The following TMC1 variants were observed in gnomAD, a reference collection of about 807,000 sequenced individuals.
The protein encoded by TMC1 is transmembrane channel like 1.
TMC1 carries 84 observed loss-of-function variants against 105.8 expected under a neutral mutation model. The ratio of observed to expected loss-of-function variants is 0.79; its 90% CI spans 0.67 to 0.95. The LOEUF is 0.95. Among genes scored for constraint, TMC1 ranks in the 40% least tolerant of loss-of-function variants. The pLI is 0.00. For synonymous variants in TMC1, 315 were observed against 311.5 expected, an observed-to-expected ratio of 1.01 and a Z score of -0.12; for missense variants, 817 against 914.1, an observed-to-expected ratio of 0.89 and a Z score of 1.37.
intron 13 of TMC1, among the ~76,000 whole-genome samples, chr9:72,784,275 C>T (rs1428090397): frequency 6.6e-6 from 1 of 152,120 alleles, no homozygotes; most frequent in Non-Finnish European, 1.5e-5. Flanking sequence ...AAGACATGAA[C>T]AGACACTTCT....
At chr9:72,537,724 C>T (rs1823607122) in intron 1 of TMC1, among the ~76,000 whole-genome samples, 1 of 152,180 alleles carries the variant, frequency 6.6e-6, no homozygotes, top group African/African-American at 2.4e-5. Flanking sequence ...GCAAGGTATA[C>T]ATTGGTTTGG....
chr9:72,590,104 G>T (rs953883834), intron 2 of TMC1, among the ~76,000 whole-genome samples: 1 of 152,166 alleles, frequency 6.6e-6, no homozygotes, highest in African/African-American at 2.4e-5. Context: ...TTCACTGACA[G>T]CTGCCTTTTC....
rs190085997 is a variant in TMC1 at position 72,760,665 on chromosome 9, G to T, written c.741+5781G>T. 3.0e-3 allele frequency among the ~76,000 whole-genome samples: 453 copies of T among 152,134 alleles called. 2 individuals carry two copies. The highest frequency in any genetic ancestry group is 3.1e-3 in the Non-Finnish European group (213 of 68,020). ...CTGACCTTGGACAGACTATATAGAGGTAAGTTATTCCACATAGAGGCAGGT... is the reference window on the plus strand; with the variant it reads ...CTGACCTTGGACAGACTATATAGAGTTAAGTTATTCCACATAGAGGCAGGT... On this transcript the variant is annotated intron_variant, in intron 12 of 23. Transcript: ENST00000297784.
intron 5 of TMC1, among the ~76,000 whole-genome samples, chr9:72,678,771 T>C (rs1826244315): frequency 6.6e-6 from 1 of 152,088 alleles, no homozygotes; most frequent in Non-Finnish European, 1.5e-5. Flanking sequence ...ACTTTTCACT[T>C]TGATGTTCTT....
At chr9:72,808,275 A>T (rs1018893312) in intron 18 of TMC1, among the ~76,000 whole-genome samples, 1 of 152,184 alleles carries the variant, frequency 6.6e-6, no homozygotes, top group Non-Finnish European at 1.5e-5. Context: ...ATGCTCAAAC[A>T]CAAGATGGTC....
chr9:72,783,221 T>C (rs1243490283), intron 13 of TMC1, among the ~76,000 whole-genome samples: 2 of 152,072 alleles, frequency 1.3e-5, no homozygotes, highest in Non-Finnish European at 2.9e-5. Flanking sequence ...AAGTTTCGTG[T>C]TAGGCCGTCT....
chr9:72,743,720 AAGG>A (rs1827439117), intron 10 of TMC1, among the ~76,000 whole-genome samples: 2 of 111,760 alleles, frequency 1.8e-5, no homozygotes, highest in South Asian at 2.3e-4. Context: ...CATAGGAAGG[AAGG>A]AAGGAAGGAA....
At chr9:72,641,670 CCCT>C (rs10571833) in intron 4 of TMC1, among the ~76,000 whole-genome samples, 75,044 of 151,618 alleles carry the variant, frequency 0.49, 18,838 homozygotes, top group African/African-American at 0.59. Context: ...GTGCATTCAT[CCCT>C]CCTTCTTGGA....
At chr9:72,681,035 A>G (rs1473730238) in intron 5 of TMC1, among the ~76,000 whole-genome samples, 1 of 152,170 alleles carries the variant, frequency 6.6e-6, no homozygotes, top group Non-Finnish European at 1.5e-5. Context: ...TTTGTCCTAA[A>G]TAACCCAAGG....
At chr9:72,593,259 C>T (rs912443754) in intron 2 of TMC1, among the ~76,000 whole-genome samples, 5 of 152,130 alleles carry the variant, frequency 3.3e-5, no homozygotes, top group Non-Finnish European at 7.4e-5. Flanking sequence ...AAAAATCTGG[C>T]GGAGTGTGGT....
intron 2 of TMC1, among the ~76,000 whole-genome samples, chr9:72,606,998 T>TAGAGAGAGAGAGAG (rs566531350): frequency 1.1e-4 from 13 of 117,194 alleles, no homozygotes; most frequent in Admixed American, 2.5e-4. Flanking sequence ...TATATATATA[T>TAGAGAGAGAGAGAG]ATATAGAGAG....
At chr9:72,623,869 G>A (rs905503595) in intron 3 of TMC1, among the ~76,000 whole-genome samples, 1 of 152,128 alleles carries the variant, frequency 6.6e-6, no homozygotes. Flanking sequence ...AACTTCCTTT[G>A]CTGTAAAATG....
At chr9:72,608,408 G>GGAGATTAA (rs1824961212) in intron 2 of TMC1, among the ~76,000 whole-genome samples, 1 of 152,118 alleles carries the variant, frequency 6.6e-6, no homozygotes, top group Admixed American at 6.5e-5. Flanking sequence ...CTAGATGGCT[G>GGAGATTAA]GAGATTAAGT....
chr9:72,766,942 G>C (rs1221094206), intron 12 of TMC1, among the ~76,000 whole-genome samples: 1 of 152,230 alleles, frequency 6.6e-6, no homozygotes, highest in Non-Finnish European at 1.5e-5. Context: ...ATGCGCTGCT[G>C]TCAGCATGCA....
intron 20 of TMC1, among the ~76,000 whole-genome samples, chr9:72,825,081 G>A (rs897582394): frequency 2.5e-4 from 38 of 152,192 alleles, no homozygotes; most frequent in Non-Finnish European, 8.8e-5. Context: ...TCTAGAGATT[G>A]GGGATAGAGA....
At chr9:72,636,544 C>G (rs1825536716) in intron 4 of TMC1, among the ~76,000 whole-genome samples, 1 of 151,702 alleles carries the variant, frequency 6.6e-6, no homozygotes, top group South Asian at 2.1e-4. Flanking sequence ...AACATCTGTA[C>G]TAAAAATACA....
At chr9:72,732,416 C>T (rs933606399) in intron 8 of TMC1, among the ~76,000 whole-genome samples, 2 of 151,952 alleles carry the variant, frequency 1.3e-5, no homozygotes, top group East Asian at 3.9e-4. Flanking sequence ...TACACAAAAA[C>T]TAGCTGGGTG....
At chr9:72,636,899 G>A (rs942312724) in intron 4 of TMC1, among the ~76,000 whole-genome samples, 5 of 152,002 alleles carry the variant, frequency 3.3e-5, no homozygotes, top group African/African-American at 4.8e-5. Flanking sequence ...AGATGCTATT[G>A]GTGTTGTGGG....
At chr9:72,635,917 T>C (rs559204532) in intron 4 of TMC1, among the ~76,000 whole-genome samples, 1 of 152,312 alleles carries the variant, frequency 6.6e-6, no homozygotes, top group East Asian at 1.9e-4. Context: ...ATCCTTTCTA[T>C]GGCCATTGAA....
Sources: allele counts gnomAD v4.1 joint callset (sites outside exome capture counted in the v4.1 genomes callset), GRCh38; gene constraint gnomAD v4.1.1; transcripts MANE v1.5; gene names NCBI Gene and HGNC (gene_info 2026-07-23, HGNC 2026-07-21).